The following ANO1 variants were observed in gnomAD, a reference collection of about 807,000 sequenced individuals.
ANO1 encodes anoctamin-1.
In ANO1, 59 loss-of-function variants were observed where a neutral mutation model predicts 124.0. The ratio of observed to expected loss-of-function variants is 0.48; its 90% CI spans 0.39 to 0.59. The LOEUF (loss-of-function observed/expected upper bound fraction) is 0.59. ANO1 is among the 20% of genes least tolerant of loss of function. The pLI is 0.00. For synonymous variants in ANO1, 529 were observed against 532.0 expected (o/e 0.99, Z 0.08); for missense variants, 1,059 against 1,328.0 (o/e 0.80, Z 3.15).
chr11:69,980,827 G>A, the ANO1 span, among the ~76,000 whole-genome samples: 6 of 152,206 alleles, frequency 3.9e-5, no homozygotes, highest in Non-Finnish European at 5.9e-5. Context: ...GCCAAGGCGG[G>A]CAGATCACAA....
intron 1 of ANO1, among the ~76,000 whole-genome samples, chr11:70,060,043 G>A (rs2135107668): frequency 7.5e-6 from 1 of 133,628 alleles, no homozygotes; most frequent in African/African-American, 2.8e-5. Flanking sequence ...CCTTTATAAT[G>A]AATGACTCCA....
intron 11 of ANO1, among the ~76,000 whole-genome samples, chr11:70,136,851 C>G (rs2046973455): frequency 6.8e-6 from 1 of 147,578 alleles, no homozygotes; most frequent in Non-Finnish European, 1.5e-5. Context: ...CAAAGGCGTT[C>G]GATTTTCCAG....
At chr11:70,088,526 A>AAAAAAG (rs1555014771) in intron 2 of ANO1, among the ~76,000 whole-genome samples, 1 of 93,410 alleles carries the variant, frequency 1.1e-5, no homozygotes, top group African/African-American at 4.1e-5. Flanking sequence ...AAAAAAAAAA[A>AAAAAAG]AAGAAGAAGA....
rs186012927 is a variant in ANO1, at chr11:70,056,139, T to C, written c.59-22403T>C. 474 of 152,238 alleles carry C rather than the reference T, an allele frequency of 3.1e-3. 8 individuals carry two copies. Among genetic ancestry groups the C allele is most frequent in the African/African-American group, 0.011 (447 of 41,522 alleles). The allele number at this position is 152,238 out of a possible 1,614,324, so 9.4% of individuals were successfully genotyped here. On this transcript the variant is annotated intron_variant, in intron 1 of 27. Coordinates refer to the ANO1 transcript ENST00000531349. ...TTATTCTCTTCTACCTTATCATACT[T>C]TCATATGGGATTATTTTCCCTCTGT...
chr11:69,985,472 G>T (rs1026284859), upstream of ANO1, among the ~76,000 whole-genome samples: 3 of 152,062 alleles, frequency 2.0e-5, no homozygotes, highest in African/African-American at 7.2e-5. Flanking sequence ...GATTCGTCGG[G>T]GTCCTGCCGC....
intron 1 of ANO1, chr11:70,072,833 C>G (rs1206878043): frequency 4.6e-5 from 7 of 152,364 alleles, no homozygotes; most frequent in Non-Finnish European, 1.0e-4. Flanking sequence ...GGGTGCCAAC[C>G]TATGTCCCAG....
At chr11:70,088,576 G>C (rs554265306) in intron 2 of ANO1, among the ~76,000 whole-genome samples, 59 of 152,260 alleles carry the variant, frequency 3.9e-4, no homozygotes, top group African/African-American at 1.4e-3. Flanking sequence ...TTGTTAAGGT[G>C]GGGTAGAAAT....
intron 1 of ANO1, among the ~76,000 whole-genome samples, chr11:70,047,189 A>G (rs1555005775): frequency 6.6e-6 from 1 of 152,104 alleles, no homozygotes; most frequent in African/African-American, 2.4e-5. Flanking sequence ...GTGATTGAGT[A>G]TAAGGCTTTA....
At chr11:70,096,395 C>T (rs1249799827) in intron 2 of ANO1, among the ~76,000 whole-genome samples, 1 of 152,174 alleles carries the variant, frequency 6.6e-6, no homozygotes, top group Non-Finnish European at 1.5e-5. Flanking sequence ...CCAGGCCCCC[C>T]AGCAGGAGGT....
chr11:70,149,551 T>G, intron 11 of ANO1, 159 bp from the exon 12 acceptor site: 1 of 665,646 alleles, frequency 1.5e-6, no homozygotes. Flanking sequence ...CTCGGGAGGC[T>G]GAGGAAGGAG....
chr11:70,159,108 A>T (rs779200653), intron 16 of ANO1, among the ~76,000 whole-genome samples: 73 of 152,170 alleles, frequency 4.8e-4, no homozygotes, highest in Non-Finnish European at 9.0e-4. Context: ...TGGCCCCACG[A>T]TGCCATCAGA....
intron 2 of ANO1, among the ~76,000 whole-genome samples, chr11:70,088,526 A>AAAAAG (rs1555014771): frequency 3.2e-5 from 3 of 93,402 alleles, no homozygotes; most frequent in African/African-American, 1.2e-4. Flanking sequence ...AAAAAAAAAA[A>AAAAAG]AAGAAGAAGA....
At chr11:70,141,325 G>A (rs949712611) in intron 11 of ANO1, among the ~76,000 whole-genome samples, 2 of 152,126 alleles carry the variant, frequency 1.3e-5, no homozygotes, top group African/African-American at 4.8e-5. Context: ...AGAGCTGCGG[G>A]CCAGCCCCTT....
At chr11:70,174,920 A>AAAAAGAAAAGAAAAGAAAAG (rs59754818) in intron 22 of ANO1, among the ~76,000 whole-genome samples, 1,921 of 149,928 alleles carry the variant, frequency 0.013, 22 homozygotes, top group African/African-American at 0.025. Context: ...AAAGAAAAGA[A>AAAAAGAAAAGAAAAGAAAAG]AAAAGAAAAG....
intron 11 of ANO1, among the ~76,000 whole-genome samples, chr11:70,148,824 C>T (rs1179875870): frequency 4.6e-5 from 7 of 152,220 alleles, no homozygotes; most frequent in Non-Finnish European, 7.3e-5. Context: ...GCCTCACATA[C>T]AAGTCACGGG....
chr11:70,080,585 C>T (rs751297398), intron 1 of ANO1, among the ~76,000 whole-genome samples: 6 of 152,074 alleles, frequency 3.9e-5, no homozygotes, highest in Non-Finnish European at 7.4e-5. Flanking sequence ...GAATAGCCCC[C>T]GGTCTCTAGA....
chr11:70,151,080 C>G (rs2047584167), intron 12 of ANO1, among the ~76,000 whole-genome samples: 1 of 152,222 alleles, frequency 6.6e-6, no homozygotes, highest in Admixed American at 6.5e-5. Flanking sequence ...TCGGCACCAG[C>G]CTTGCTGTGT....
At chr11:70,104,877 C>T (rs1426669410) in intron 4 of ANO1, among the ~76,000 whole-genome samples, 1 of 152,116 alleles carries the variant, frequency 6.6e-6, no homozygotes, top group Non-Finnish European at 1.5e-5. Flanking sequence ...ACAGGTGCCT[C>T]AGCTCACAGG....
At chr11:70,068,780 C>G (rs543494070) in intron 1 of ANO1, among the ~76,000 whole-genome samples, 1 of 152,140 alleles carries the variant, frequency 6.6e-6, no homozygotes, top group Non-Finnish European at 1.5e-5. Flanking sequence ...GGTGGGAAGG[C>G]GGGTAGGGGC....
Sources: gnomAD v4.1 joint callset for allele counts (sites outside exome capture counted in the v4.1 genomes callset) on GRCh38, gnomAD v4.1.1 for gene constraint, MANE v1.5 for transcripts, NCBI Gene and HGNC (gene_info 2026-07-23, HGNC 2026-07-21) for gene names.